ATP9A: variants seen among roughly 807,000 people sequenced by gnomAD.
The protein encoded by ATP9A is ATPase phospholipid transporting 9A, also known as probable phospholipid-transporting ATPase IIA.
ATP9A carries 52 observed loss-of-function variants against 144.1 expected under a neutral mutation model. The ratio of observed to expected loss-of-function variants is 0.36; its 90% CI spans 0.29 to 0.45. The LOEUF is 0.45. Ranked by LOEUF, ATP9A falls within the 20% of genes least tolerant of loss-of-function variation. The pLI is 1.00. For missense variants in ATP9A, 947 were observed against 1,392.7 expected (o/e 0.68, Z 5.09); for synonymous variants, 582 against 557.4 (o/e 1.04, Z -0.62).
Position 51,674,316 on chromosome 20 carries a change from G to A in ATP9A, c.877-3C>T. 2 of 1,612,680 alleles carry A rather than the reference G, an allele frequency of 1.2e-6. No homozygotes were observed. The highest frequency in any genetic ancestry group is 1.3e-5 in the African/African-American group (1 of 74,966). ...ACTTCCAAGTCGAACAGGCCGATCT[G>A]TGGGACGAAGCACAAACCAGGGCTT... is the stretch of plus-strand genomic sequence containing the variant. On this transcript the variant is annotated splice_region_variant and splice_polypyrimidine_tract_variant and intron_variant, in intron 10 of 27. Coordinates refer to ENST00000338821, the MANE Select transcript of ATP9A (RefSeq NM_006045.3).
At chr20:51,649,056 G>A (rs1383535001) in intron 14 of ATP9A, among the ~76,000 whole-genome samples, 1 of 152,014 alleles carries the variant, frequency 6.6e-6, no homozygotes, top group Non-Finnish European at 1.5e-5. Context: ...CCCCAGATGA[G>A]AAAAGAGGGA....
intron 19 of ATP9A, among the ~76,000 whole-genome samples, chr20:51,619,473 G>C (rs899779485): frequency 1.1e-4 from 16 of 149,864 alleles, no homozygotes; most frequent in Non-Finnish European, 2.2e-4. Flanking sequence ...TGAGGCAGGA[G>C]AATCACTTGA....
intron 1 of ATP9A, among the ~76,000 whole-genome samples, chr20:51,730,482 A>G (rs1032494409): frequency 1.3e-5 from 2 of 152,192 alleles, no homozygotes; most frequent in African/African-American, 4.8e-5. Flanking sequence ...ATAAGTAAAT[A>G]AATAAATAAA....
chr20:51,682,130 C>A (rs1487685949), intron 9 of ATP9A, among the ~76,000 whole-genome samples: 2 of 152,002 alleles, frequency 1.3e-5, no homozygotes, highest in Non-Finnish European at 2.9e-5. Flanking sequence ...GAAAACACTA[C>A]CTATTGGGTA....
At chr20:51,687,701 C>T (rs1477895125) in intron 9 of ATP9A, among the ~76,000 whole-genome samples, 1 of 151,472 alleles carries the variant, frequency 6.6e-6, no homozygotes, top group East Asian at 1.9e-4. Context: ...GAGTTCGAGG[C>T]TGCAGTGAGC....
intron 1 of ATP9A, among the ~76,000 whole-genome samples, chr20:51,741,805 T>A (rs2077786348): frequency 6.6e-6 from 1 of 152,148 alleles, no homozygotes; most frequent in Non-Finnish European, 1.5e-5. Flanking sequence ...TCTGGCAATA[T>A]CTGGAAACAC....
rs537160669 is a variant in ATP9A at position 51,694,596 on chromosome 20, A to G, written c.548-494T>C. 4.6e-5 allele frequency among the ~76,000 whole-genome samples: 7 copies of G among 152,248 alleles called. No individual in the cohort carries two copies. The South Asian group carries it at 1.5e-3, about 32-fold the overall frequency. On this transcript the variant is annotated intron_variant, in intron 6 of 27. Transcript: ENST00000338821. ...AGTTTCCTCGTGTGTAAAAGTGGAG[A>G]TAGGAACAGCACTGACCCTGTAGAG...
chr20:51,756,744 C>G (rs928455713), intron 1 of ATP9A, among the ~76,000 whole-genome samples: 1 of 152,128 alleles, frequency 6.6e-6, no homozygotes, highest in African/African-American at 2.4e-5. Context: ...CAGCTTCAAA[C>G]GTGAATTTGG....
intron 17 of ATP9A, among the ~76,000 whole-genome samples, chr20:51,626,257 G>A (rs1440248115): frequency 2.0e-5 from 3 of 152,232 alleles, no homozygotes; most frequent in African/African-American, 7.2e-5. Context: ...AGAAGACCGA[G>A]GCAGGCAGAT....
intron 14 of ATP9A, among the ~76,000 whole-genome samples, chr20:51,647,385 C>T (rs556301350): frequency 1.1e-3 from 167 of 151,916 alleles, no homozygotes; most frequent in African/African-American, 3.9e-3. Flanking sequence ...CCTGTCTCTA[C>T]TAAAAATACA....
chr20:51,725,804 T>C lies in ATP9A; in HGVS notation c.327+15A>G. On this transcript the variant is annotated intron_variant, in intron 3 of 27. Transcript: ENST00000338821. ...ACCTCTAAGGTTACTGAACAAACAA[T>C]GCCGATTAACTTACCAGGGGAACCC... 3 of 1,514,846 alleles carry C rather than the reference T, an allele frequency of 2.0e-6. No individual in the cohort carries two copies. The highest frequency in any genetic ancestry group is 2.8e-6 in the Non-Finnish European group (3 of 1,089,888). 93.8% of individuals were successfully genotyped at this position (1,514,846 alleles called of 1,614,324 possible). A position where few individuals can be genotyped will look rare whatever the true frequency, so the allele number is the denominator to read the frequency against.
At chr20:51,648,454 GA>G (rs1273492840) in intron 14 of ATP9A, among the ~76,000 whole-genome samples, 4 of 152,202 alleles carry the variant, frequency 2.6e-5, no homozygotes, top group South Asian at 2.1e-4. Flanking sequence ...CCAAAAGGGG[GA>G]AACCTCCTAA....
Position 51,628,730 on chromosome 20 carries a change from G to A in ATP9A, c.1761+250C>T, listed in dbSNP as rs188741436. 3.0e-4 allele frequency among the ~76,000 whole-genome samples: 45 copies of A among 152,372 alleles called. 1 individual carries two copies. In the East Asian group the frequency reaches 7.5e-3, roughly 25 times the overall value. On this transcript the variant is annotated intron_variant, in intron 16 of 27. Transcript: ENST00000338821. Reference sequence around the variant, plus strand: ...GGTCAAGTCTTGAGATGAGACCACAGCCCCAGCCAACATCTGAATTACGGC... The same window carrying A: ...GGTCAAGTCTTGAGATGAGACCACAACCCCAGCCAACATCTGAATTACGGC...
chr20:51,658,137 G>GT (rs2077394837), intron 13 of ATP9A, among the ~76,000 whole-genome samples: 1 of 152,198 alleles, frequency 6.6e-6, no homozygotes, highest in Admixed American at 6.5e-5. Flanking sequence ...GCAGCAAGTG[G>GT]TGTCTGTCCT....
In ATP9A at chr20:51,756,926, T is replaced by G. The variant is rs78408675; in HGVS notation, c.68+11376A>C. Among the ~76,000 whole-genome samples the G allele has an allele frequency of 4.6e-5, 7 of 151,996 alleles. No individual in the cohort carries two copies. In the East Asian group the frequency reaches 1.4e-3, roughly 29 times the overall value. ...TTTGTTTTCGGTTTTGTTTTTTTTT[T>G]AAAAAGACAGGATGAGACACCTTAA... On this transcript the variant is annotated intron_variant, in intron 1 of 27. Transcript: ENST00000338821.
At chr20:51,641,896 C>T (rs1222708673) in intron 14 of ATP9A, among the ~76,000 whole-genome samples, 3 of 151,136 alleles carry the variant, frequency 2.0e-5, no homozygotes, top group Non-Finnish European at 4.4e-5. Context: ...GTACCCCTCT[C>T]CCTATCACCT....
intron 10 of ATP9A, among the ~76,000 whole-genome samples, chr20:51,674,825 A>ATTAT (rs1338922104): frequency 9.2e-5 from 14 of 152,146 alleles, no homozygotes; most frequent in African/African-American, 3.1e-4. Flanking sequence ...ACATTATTTT[A>ATTAT]TTATTTATTT....
At chr20:51,697,321 T>C (rs926811975) in intron 5 of ATP9A, 103 bp downstream of exon 5, 5 of 1,174,308 alleles carry the variant, frequency 4.3e-6, no homozygotes, top group Non-Finnish European at 6.1e-6. Context: ...AGTTTTTGGA[T>C]AGAATCCCAA....
chr20:51,632,836 A>G (rs1004101771), intron 15 of ATP9A, among the ~76,000 whole-genome samples: 4 of 152,200 alleles, frequency 2.6e-5, no homozygotes, highest in Admixed American at 6.5e-5. Flanking sequence ...CAAAACCAAG[A>G]AAAAAGCGAG....
Sources: gnomAD v4.1 joint callset for allele counts (sites outside exome capture counted in the v4.1 genomes callset) on GRCh38, gnomAD v4.1.1 for gene constraint, MANE v1.5 for transcripts, NCBI Gene and HGNC (gene_info 2026-07-23, HGNC 2026-07-21) for gene names.